FAM81A: variants seen among roughly 807,000 people sequenced by gnomAD.
FAM81A encodes family with sequence similarity 81 member A.
FAM81A carries 19 observed loss-of-function variants against 46.7 expected under a neutral mutation model. The ratio of observed to expected loss-of-function variants is 0.41; its 90% CI spans 0.28 to 0.60. The LOEUF (loss-of-function observed/expected upper bound fraction) is 0.60. Ranked by LOEUF, FAM81A falls within the 20% of genes least tolerant of loss-of-function variation. The pLI is 0.34. For missense variants in FAM81A, 377 were observed against 453.5 expected (o/e 0.83, Z 1.53); for synonymous variants, 183 against 152.9 (o/e 1.20, Z -1.45).
intron 5 of FAM81A, among the ~76,000 whole-genome samples, 195 bp from the exon 6 acceptor site, chr15:59,508,668 T>G (rs1454938066): frequency 2.0e-5 from 3 of 152,188 alleles, no homozygotes; most frequent in Non-Finnish European, 4.4e-5. Flanking sequence ...ATTTTGGCAG[T>G]GCTACTGGTC....
chr15:59,463,809 G>T (rs1402043678), intron 3 of FAM81A, among the ~76,000 whole-genome samples: 2 of 151,604 alleles, frequency 1.3e-5, no homozygotes, highest in Non-Finnish European at 2.9e-5. Context: ...AATTTTGTCA[G>T]TTTTTTTTGT....
At chr15:59,492,147 T>G (rs1457084365) in intron 3 of FAM81A, 124 bp from the exon 4 acceptor site, 1 of 681,764 alleles carries the variant, frequency 1.5e-6, no homozygotes. Flanking sequence ...TAGGTGACTG[T>G]TGAAAAGGAG....
intron 1 of FAM81A, among the ~76,000 whole-genome samples, chr15:59,451,856 G>T (rs1421281312): frequency 6.6e-6 from 1 of 152,126 alleles, no homozygotes; most frequent in African/African-American, 2.4e-5. Flanking sequence ...ATATAATTCA[G>T]TTGATTATAT....
chr15:59,443,897 C>G (rs2081327374), intron 1 of FAM81A: 1 of 152,490 alleles, frequency 6.6e-6, no homozygotes, highest in Non-Finnish European at 1.5e-5. Flanking sequence ...CCCAAGGGTC[C>G]CATAGTCCTC....
In FAM81A at chr15:59,460,110, A is replaced by C; in HGVS notation, c.198A>C (p.Gln66His). The part of the protein sequence containing the change: ...DDIVNSLQKM[Q>H]NKGGGDRLAR... ...TTGTCAACAGTTTGCAGAAAATGCA[A>C]AACAAAGGGGGAGGTGACCGCTTGG... Residue 66 changes from glutamine to histidine, a missense_variant, in exon 3 of 9, where the codon CAA becomes CAC. Transcript: ENST00000288228. This position sits in a 1 kb window ranked among gnomAD's most constrained non-coding sequence, Gnocchi z 4.4. 1 of 1,614,038 alleles carries C rather than the reference A, an allele frequency of 6.2e-7. No individual in the cohort carries two copies. Among genetic ancestry groups the C allele is most frequent in the Non-Finnish European group, 8.5e-7 (1 of 1,179,886 alleles).
At chr15:59,462,120 G>A (rs896193258) in intron 3 of FAM81A, among the ~76,000 whole-genome samples, 10 of 151,274 alleles carry the variant, frequency 6.6e-5, no homozygotes, top group African/African-American at 1.2e-4. Flanking sequence ...GGAGAATGGC[G>A]TGAACCTGGG....
intron 8 of FAM81A, 69 bp from the exon 9 acceptor site, chr15:59,521,185 A>T: frequency 6.5e-7 from 1 of 1,543,042 alleles, no homozygotes; most frequent in Admixed American, 2.0e-5. Flanking sequence ...CCATTACTAG[A>T]TACTATAGAA....
At chr15:59,418,311 T>C (rs1044836085) in intron 2 of FAM81A, among the ~76,000 whole-genome samples, 1 of 152,194 alleles carries the variant, frequency 6.6e-6, no homozygotes, top group Non-Finnish European at 1.5e-5. Flanking sequence ...AAAGCTACCT[T>C]ACGTGGAGAA....
chr15:59,516,908 C>T, intron 8 of FAM81A, 68 bp downstream of exon 8: 2 of 1,377,730 alleles, frequency 1.5e-6, no homozygotes, highest in Non-Finnish European at 9.7e-7. Context: ...TAATTAGTAT[C>T]CCCTGCAACT....
At chr15:59,507,907 T>C (rs374911113) in intron 5 of FAM81A, among the ~76,000 whole-genome samples, 7 of 152,354 alleles carry the variant, frequency 4.6e-5, no homozygotes, top group African/African-American at 1.4e-4. Context: ...TTTGCCATCA[T>C]AGGGCGTGTC....
In FAM81A at chr15:59,460,520, T is replaced by C. The variant is rs931881243; in HGVS notation, c.294+314T>C. ...GAACTAGTCGAATAGTTTCACTCTA[T>C]AATCTTTCATATCTTTGAAGACAGC... On this transcript the variant is annotated intron_variant, in intron 3 of 8. Transcript: ENST00000288228. This position sits in a 1 kb window ranked among gnomAD's most constrained non-coding sequence, Gnocchi z 4.4. The C allele has an allele frequency of 2.4e-6, 1 of 417,748 alleles. No individual in the cohort carries two copies. The allele number at this position is 417,748 out of a possible 1,614,324, so 25.9% of individuals were successfully genotyped here. A position where few individuals can be genotyped will look rare whatever the true frequency, so the allele number is the denominator to read the frequency against.
chr15:59,438,544 G>A (rs1234663368), intron 1 of FAM81A: 1 of 152,334 alleles, frequency 6.6e-6, no homozygotes, highest in Non-Finnish European at 1.5e-5. Context: ...CGCCCGGAGG[G>A]ACTGTTTGGG....
At chr15:59,481,320 C>A (rs1258228309) in intron 3 of FAM81A, among the ~76,000 whole-genome samples, 1 of 152,046 alleles carries the variant, frequency 6.6e-6, no homozygotes, top group Non-Finnish European at 1.5e-5. Flanking sequence ...TAATACAATA[C>A]CTTATTAATC....
At chr15:59,516,507 G>T in intron 7 of FAM81A, 138 bp from the exon 8 acceptor site, 1 of 780,844 alleles carries the variant, frequency 1.3e-6, no homozygotes, top group Non-Finnish European at 2.0e-6. Flanking sequence ...AAGGGAGAAC[G>T]GATATTATGG....
intron 1 of FAM81A, among the ~76,000 whole-genome samples, chr15:59,450,526 CTCCTGTTGT>C (rs1381480301): frequency 2.0e-5 from 3 of 152,142 alleles, no homozygotes; most frequent in African/African-American, 7.2e-5. Context: ...CCATCTTGTG[CTCCTGTTGT>C]TCCATATATA....
intron 3 of FAM81A, among the ~76,000 whole-genome samples, chr15:59,477,012 T>C (rs1389950389): frequency 6.6e-6 from 1 of 150,762 alleles, no homozygotes; most frequent in African/African-American, 2.4e-5. Flanking sequence ...CCCAGCTACT[T>C]GGGAGGCTGA....
chr15:59,446,817 C>T (rs1203418514), intron 1 of FAM81A: 1 of 152,164 alleles, frequency 6.6e-6, no homozygotes, highest in African/African-American at 2.4e-5. Flanking sequence ...GATGAGAGCA[C>T]CAGCCTCAAG....
At position 59,492,218 on chromosome 15, in the gene FAM81A, T is replaced by C. The variant is rs1300070134; in HGVS notation, c.295-53T>C. ...TTGCCAAAAGTATAAAATGCTTTTG[T>C]GGAAGCACGTGAATTCTTAGATGAC... On this transcript the variant is annotated intron_variant, in intron 3 of 8. Transcript: ENST00000288228. 9 of 1,359,568 alleles carry C rather than the reference T, an allele frequency of 6.6e-6. No individual in the cohort carries two copies. The East Asian group carries it at 2.1e-4, about 32-fold the overall frequency. The allele number at this position is 1,359,568 out of a possible 1,614,324, so 84.2% of individuals were successfully genotyped here.
At chr15:59,398,759 GAAAAAAAAAAAAAAA>G (rs71119468) in intron 1 of FAM81A, among the ~76,000 whole-genome samples, 25 of 41,424 alleles carry the variant, frequency 6.0e-4, no homozygotes, top group Middle Eastern at 0.024. Flanking sequence ...CTCTGTCTCA[GAAAAAAAAAAAAAAA>G]AAAAAAAAAA....
Sources: allele counts gnomAD v4.1 joint callset (sites outside exome capture counted in the v4.1 genomes callset), GRCh38; gene constraint gnomAD v4.1.1; non-coding constraint Gnocchi (gnomAD v3.1); transcripts MANE v1.5; gene names NCBI Gene and HGNC (gene_info 2026-07-23, HGNC 2026-07-21).